Variants in DCTD observed in about 807,000 individuals in gnomAD.
DCTD encodes the protein deoxycytidylate deaminase.
DCTD carries 23 observed loss-of-function variants against 21.0 expected under a neutral mutation model. The observed-to-expected ratio is 1.09, with a 90% confidence interval of 0.79 to 1.55. The LOEUF (loss-of-function observed/expected upper bound fraction) is 1.55. Ranked by LOEUF, DCTD falls within the 40% of genes most tolerant of loss-of-function variation. DCTD has a pLI of 0.00. For synonymous variants in DCTD, 71 were observed against 81.1 expected (o/e 0.88, Z 0.67); for missense variants, 224 against 230.0 (o/e 0.97, Z 0.17).
chr4:182,900,219 G>A (rs1314737937), intron 3 of DCTD, among the ~76,000 whole-genome samples: 2 of 151,952 alleles, frequency 1.3e-5, no homozygotes, highest in Non-Finnish European at 2.9e-5. Context: ...GGGAGGCTGA[G>A]GTGGGAGGAC....
intron 3 of DCTD, among the ~76,000 whole-genome samples, chr4:182,898,120 G>T (rs910049931): frequency 2.6e-5 from 4 of 152,186 alleles, no homozygotes; most frequent in Admixed American, 2.6e-4. Context: ...TCATTTACTT[G>T]TGTCGACTGG....
intron 3 of DCTD, among the ~76,000 whole-genome samples, chr4:182,912,256 G>A (rs1737830331): frequency 6.6e-6 from 1 of 151,830 alleles, no homozygotes; most frequent in African/African-American, 2.4e-5. Flanking sequence ...AAAACCTTGA[G>A]AAGACAACAA....
intron 3 of DCTD, among the ~76,000 whole-genome samples, chr4:182,908,682 C>CAAAAAAAAAAAAAAAAAAAAAAAAAAA (rs34915632): frequency 1.6e-5 from 1 of 63,740 alleles, no homozygotes; most frequent in South Asian, 6.9e-4. Flanking sequence ...GACTCTGTCT[C>CAAAAAAAAAAAAAAAAAAAAAAAAAAA]AAAAAAAAAA....
intron 3 of DCTD, among the ~76,000 whole-genome samples, chr4:182,899,629 G>C (rs1561325154): frequency 6.6e-6 from 1 of 152,098 alleles, no homozygotes; most frequent in Non-Finnish European, 1.5e-5. Context: ...TGGAACTCCT[G>C]ACCTCAGGTG....
At chr4:182,915,698 T>C (rs1738615708) in intron 1 of DCTD, 123 bp from the exon 2 acceptor site, 1 of 808,432 alleles carries the variant, frequency 1.2e-6, no homozygotes, top group Admixed American at 2.1e-5. Context: ...GCTACATTTA[T>C]CAATCAGAAA....
At chr4:182,893,219 T>C in intron 4 of DCTD, 92 bp from the exon 5 acceptor site, 1 of 763,194 alleles carries the variant, frequency 1.3e-6, no homozygotes, top group East Asian at 2.6e-5. Flanking sequence ...TCAGCGTCTA[T>C]GATTAATGAC....
chr4:182,903,556 G>C (rs1035154609), intron 3 of DCTD, among the ~76,000 whole-genome samples: 67 of 152,264 alleles, frequency 4.4e-4, no homozygotes, highest in African/African-American at 1.6e-3. Context: ...CAGAGAGGAG[G>C]GCTCTGCTAG....
intron 5 of DCTD, 21 bp from the exon 6 acceptor site, chr4:182,891,498 C>A: frequency 6.6e-7 from 1 of 1,516,396 alleles, no homozygotes. Context: ...AAACAAAATA[C>A]AATTATTATC....
chr4:182,901,141 G>C (rs922403364), intron 3 of DCTD, among the ~76,000 whole-genome samples: 1 of 152,192 alleles, frequency 6.6e-6, no homozygotes, highest in Non-Finnish European at 1.5e-5. Context: ...TTAGACGGTA[G>C]TATTATAAGG....
intron 4 of DCTD, 34 bp downstream of exon 4, chr4:182,894,455 G>A: frequency 3.0e-6 from 4 of 1,319,248 alleles, no homozygotes; most frequent in Non-Finnish European, 3.3e-6. Context: ...AGGCAGCAAT[G>A]CAAATGTGAC....
At chr4:182,906,803 T>C (rs1375395137) in intron 3 of DCTD, among the ~76,000 whole-genome samples, 1 of 152,244 alleles carries the variant, frequency 6.6e-6, no homozygotes, top group Non-Finnish European at 1.5e-5. Flanking sequence ...ATTTTAAATT[T>C]ACTATGGCAT....
chr4:182,899,396 T>TTC (rs1735306324), intron 3 of DCTD, among the ~76,000 whole-genome samples: 1 of 134,698 alleles, frequency 7.4e-6, no homozygotes, highest in Non-Finnish European at 1.6e-5. Context: ...TGCCCTTTTT[T>TTC]TTCTTTTTCT....
At chr4:182,909,498 G>A (rs186916031) in intron 3 of DCTD, among the ~76,000 whole-genome samples, 1 of 152,236 alleles carries the variant, frequency 6.6e-6, no homozygotes, top group Non-Finnish European at 1.5e-5. Context: ...TAGAAGGCCA[G>A]GCAGGGGAGG....
intron 3 of DCTD, among the ~76,000 whole-genome samples, chr4:182,899,087 C>T (rs1344938363): frequency 6.6e-6 from 1 of 152,186 alleles, no homozygotes; most frequent in Non-Finnish European, 1.5e-5. Flanking sequence ...TCTCCCACTC[C>T]CAACATGACG....
intron 3 of DCTD, among the ~76,000 whole-genome samples, chr4:182,903,516 G>A (rs770308670): frequency 1.3e-5 from 2 of 152,214 alleles, no homozygotes; most frequent in Non-Finnish European, 2.9e-5. Context: ...TGGAAAATGT[G>A]TGGGCTCTGT....
At chr4:182,894,412 A>G in intron 4 of DCTD, 77 bp downstream of exon 4, 1 of 836,648 alleles carries the variant, frequency 1.2e-6, no homozygotes, top group Non-Finnish European at 2.0e-6. Context: ...GCAATTTAAG[A>G]TCAAACACAT....
chr4:182,901,902 T>G (rs1268632024), intron 3 of DCTD, among the ~76,000 whole-genome samples: 1 of 152,106 alleles, frequency 6.6e-6, no homozygotes, highest in Admixed American at 6.5e-5. Flanking sequence ...CCTATAGTTA[T>G]CAGAGTTGCT....
intron 3 of DCTD, among the ~76,000 whole-genome samples, chr4:182,899,405 C>T (rs11944044): frequency 0.31 from 43,040 of 138,140 alleles, 6,691 homozygotes; most frequent in African/African-American, 0.43. Context: ...TTTTCTTTTT[C>T]TTTTTTTTTT....
intron 3 of DCTD, among the ~76,000 whole-genome samples, chr4:182,908,060 G>A (rs1197070477): frequency 6.6e-6 from 1 of 151,848 alleles, no homozygotes; most frequent in Non-Finnish European, 1.5e-5. Context: ...TCTTCAGGAA[G>A]TAAAAGTAAA....
Sources: gnomAD v4.1 joint callset for allele counts (sites outside exome capture counted in the v4.1 genomes callset) on GRCh38, gnomAD v4.1.1 for gene constraint, MANE v1.5 for transcripts, NCBI Gene and HGNC (gene_info 2026-07-23, HGNC 2026-07-21) for gene names.